The following CNTN4 variants were observed in gnomAD, a reference collection of about 807,000 sequenced individuals.
CNTN4 encodes contactin-4.
Under a neutral mutation model 122.5 loss-of-function variants are expected in CNTN4, and 77 were observed. That is an observed-to-expected ratio of 0.63 (90% CI 0.52 to 0.76). The LOEUF (loss-of-function observed/expected upper bound fraction) is 0.76. CNTN4 is among the 30% of genes least tolerant of loss of function. The pLI is 0.00. For synonymous variants in CNTN4, 512 were observed against 447.0 expected (o/e 1.15, Z -1.83); for missense variants, 1,256 against 1,259.1 (o/e 1.00, Z 0.04).
At position 2,657,077 on chromosome 3, in the gene CNTN4, C is replaced by A. The variant is rs543056176; in HGVS notation, c.56-79138C>A. Among the ~76,000 whole-genome samples the A allele has an allele frequency of 3.3e-5, 5 of 152,314 alleles. No individual in the cohort carries two copies. The East Asian group carries it at 7.7e-4, about 23-fold the overall frequency. On this transcript the variant is annotated intron_variant, in intron 4 of 24. Transcript: ENST00000418658. ...TATGCAATGGGACAGCCAACTGTTA[C>A]AGCTTGGAAAACTGTTAAAAACTCA...
intron 4 of CNTN4, among the ~76,000 whole-genome samples, chr3:2,677,475 TCC>T (rs1211640997): frequency 5.6e-5 from 7 of 124,702 alleles, no homozygotes; most frequent in African/African-American, 1.2e-4. Flanking sequence ...TATCCATCTA[TCC>T]ATCTATATCT....
intron 15 of CNTN4, among the ~76,000 whole-genome samples, chr3:3,030,566 GT>G (rs1699077972): frequency 6.6e-6 from 1 of 152,194 alleles, no homozygotes; most frequent in Non-Finnish European, 1.5e-5. Flanking sequence ...ACCGTAGTAC[GT>G]AGGACTTATG....
intron 2 of CNTN4, among the ~76,000 whole-genome samples, chr3:2,188,725 G>T (rs2037388983): frequency 6.6e-6 from 1 of 152,176 alleles, no homozygotes; most frequent in African/African-American, 2.4e-5. Flanking sequence ...AGATGCTGGT[G>T]CTGGGCCTTG....
intron 4 of CNTN4, among the ~76,000 whole-genome samples, chr3:2,681,336 T>C (rs2085154349): frequency 1.3e-5 from 2 of 152,190 alleles, no homozygotes; most frequent in South Asian, 4.1e-4. Context: ...TCTAAATGTT[T>C]TTTGTCATCT....
chr3:2,333,088 T>C (rs956733242), intron 2 of CNTN4, among the ~76,000 whole-genome samples: 4 of 152,118 alleles, frequency 2.6e-5, no homozygotes, highest in Admixed American at 2.6e-4. Flanking sequence ...TTATGTTACA[T>C]CAAGACAACT....
At chr3:2,683,059 T>G (rs1465309611) in intron 4 of CNTN4, among the ~76,000 whole-genome samples, 1 of 152,150 alleles carries the variant, frequency 6.6e-6, no homozygotes, top group Non-Finnish European at 1.5e-5. Context: ...TTTTCTCTCC[T>G]TAGATTCTCT....
intron 3 of CNTN4, among the ~76,000 whole-genome samples, chr3:2,533,760 C>T (rs542338253): frequency 6.6e-6 from 1 of 152,304 alleles, no homozygotes; most frequent in African/African-American, 2.4e-5. Context: ...TCCACATCCT[C>T]TCCAGCACCT....
At chr3:2,121,361 G>A (rs1331267562) in intron 2 of CNTN4, among the ~76,000 whole-genome samples, 1 of 152,066 alleles carries the variant, frequency 6.6e-6, no homozygotes, top group Non-Finnish European at 1.5e-5. Context: ...AGCCCGATGT[G>A]GTGGCACGTG....
rs140745913 is a variant in CNTN4 at position 2,532,600 on chromosome 3, C to G, written c.-88-38816C>G. ...AAGCAACCACTTTTTAAACTTCCTG[C>G]TTTGCACATAGTTAACTGGAAGAAA... On this transcript the variant is annotated intron_variant, in intron 3 of 24. Transcript: ENST00000418658. Among the ~76,000 whole-genome samples, 265 of 152,204 alleles carry G rather than the reference C, an allele frequency of 1.7e-3. 1 individual carries two copies. The highest frequency in any genetic ancestry group is 6.1e-3 in the African/African-American group (255 of 41,546).
intron 7 of CNTN4, among the ~76,000 whole-genome samples, chr3:2,847,167 A>C (rs1326871736): frequency 2.4e-5 from 1 of 41,828 alleles, no homozygotes; most frequent in Non-Finnish European, 6.1e-5. Flanking sequence ...CAAATGTTGC[A>C]AAAAAAAAAA....
chr3:2,158,054 A>C (rs1369929518), intron 2 of CNTN4, among the ~76,000 whole-genome samples: 4 of 151,976 alleles, frequency 2.6e-5, no homozygotes, highest in Admixed American at 2.6e-4. Context: ...ATTTAATAGA[A>C]GCTTCCAGGA....
At chr3:2,411,009 A>C (rs1320255876) in intron 3 of CNTN4, among the ~76,000 whole-genome samples, 3 of 152,182 alleles carry the variant, frequency 2.0e-5, no homozygotes, top group Non-Finnish European at 4.4e-5. Context: ...GACAAATGCA[A>C]TATTTCAACT....
intron 4 of CNTN4, among the ~76,000 whole-genome samples, chr3:2,671,209 C>T (rs926492419): frequency 2.0e-5 from 3 of 152,178 alleles, no homozygotes; most frequent in East Asian, 1.9e-4. Context: ...CCATTCTCCC[C>T]GTCACTTTCA....
At chr3:2,746,883 A>C (rs2089798682) in intron 6 of CNTN4, among the ~76,000 whole-genome samples, 1 of 152,230 alleles carries the variant, frequency 6.6e-6, no homozygotes, top group African/African-American at 2.4e-5. Flanking sequence ...AATGTAACAG[A>C]ACCAAAGTGT....
intron 2 of CNTN4, among the ~76,000 whole-genome samples, chr3:2,122,825 C>G (rs1290951382): frequency 1.3e-5 from 2 of 152,176 alleles, no homozygotes; most frequent in African/African-American, 4.8e-5. Flanking sequence ...CGAAGCCTCA[C>G]AAGTGATCGT....
intron 2 of CNTN4, among the ~76,000 whole-genome samples, chr3:2,110,102 A>G (rs2032825721): frequency 6.6e-6 from 1 of 152,364 alleles, no homozygotes; most frequent in Non-Finnish European, 1.5e-5. Flanking sequence ...TTACTTCTTG[A>G]TGACACGGGA....
intron 3 of CNTN4, among the ~76,000 whole-genome samples, chr3:2,392,909 T>C (rs1418389150): frequency 6.6e-6 from 1 of 152,190 alleles, no homozygotes; most frequent in Non-Finnish European, 1.5e-5. Context: ...TTCGTACGTT[T>C]ACCTCTTTCT....
chr3:2,993,846 A>C (rs112573652), intron 14 of CNTN4, among the ~76,000 whole-genome samples: 6 of 152,282 alleles, frequency 3.9e-5, no homozygotes, highest in African/African-American at 1.4e-4. Flanking sequence ...GAGTCTGATT[A>C]TTAGCTGGAA....
intron 4 of CNTN4, among the ~76,000 whole-genome samples, chr3:2,683,350 A>G (rs1268188283): frequency 6.9e-6 from 1 of 145,400 alleles, no homozygotes; most frequent in Admixed American, 6.9e-5. Context: ...ACACACACAC[A>G]CACGCAGGTG....
Sources: gnomAD v4.1 joint callset for allele counts (sites outside exome capture counted in the v4.1 genomes callset) on GRCh38, gnomAD v4.1.1 for gene constraint, MANE v1.5 for transcripts, NCBI Gene and HGNC (gene_info 2026-07-23, HGNC 2026-07-21) for gene names.